The following PSPC1 variants were observed in gnomAD, a reference collection of about 807,000 sequenced individuals.
PSPC1 encodes the protein paraspeckle component 1, also known as paraspeckle protein 1.
A neutral mutation model predicts 51.6 loss-of-function variants in PSPC1; 14 were observed. The ratio of observed to expected loss-of-function variants is 0.27; its 90% confidence interval spans 0.18 to 0.42. The LOEUF (loss-of-function observed/expected upper bound fraction) is 0.42. Ranked by LOEUF, PSPC1 falls within the 10% of genes least tolerant of loss-of-function variation. The pLI is 1.00. For missense variants in PSPC1, 406 were observed against 701.1 expected (o/e 0.58, Z 4.75); for synonymous variants, 193 against 231.9 (o/e 0.83, Z 1.53).
chr13:19,780,008 G>C (rs1462999519), intron 1 of PSPC1, among the ~76,000 whole-genome samples: 3 of 89,792 alleles, frequency 3.3e-5, no homozygotes, highest in African/African-American at 1.2e-4. Flanking sequence ...GGAGGGAGGT[G>C]GGGGGGGTCA....
intron 4 of PSPC1, among the ~76,000 whole-genome samples, chr13:19,744,272 AC>A (rs1320265472): frequency 3.9e-5 from 6 of 152,166 alleles, no homozygotes; most frequent in Non-Finnish European, 8.8e-5. Context: ...AACAGCCAGG[AC>A]TGACAGGCTT....
intron 7 of PSPC1, among the ~76,000 whole-genome samples, chr13:19,676,712 A>G (rs779437168): frequency 4.6e-5 from 7 of 152,218 alleles, no homozygotes; most frequent in Non-Finnish European, 1.0e-4. Context: ...AGCAGCAAGA[A>G]TAAGACACAA....
intron 3 of PSPC1, among the ~76,000 whole-genome samples, chr13:19,757,234 T>C (rs989321204): frequency 5.3e-5 from 8 of 150,850 alleles, no homozygotes; most frequent in African/African-American, 2.0e-4. Flanking sequence ...CTGAGAAGGG[T>C]CCCTCCACAC....
At position 19,705,982 on chromosome 13, in the gene PSPC1, AG is replaced by A. The variant is rs751233919; in HGVS notation, c.1217-152del. 1.2e-3 allele frequency: 656 copies of A among 546,762 alleles called. 3 individuals carry two copies. Among genetic ancestry groups the A allele is most frequent in the Non-Finnish European group, 1.7e-3 (556 of 335,770 alleles). 33.9% of individuals were successfully genotyped at this position (546,762 alleles called of 1,614,324 possible). On this transcript the variant is annotated intron_variant, in intron 7 of 8. Transcript: ENST00000338910. ...CGATATGCGTTATCTACTCTGTAAT[AG>A]GGTATTACCTACACTCTAGAATTAG...
Position 19,703,052 on chromosome 13 carries a change from A to C in PSPC1, c.*123T>G, listed in dbSNP as rs1242667793. The C allele has an allele frequency of 3.0e-6, 2 of 657,004 alleles. No homozygotes were observed. The highest frequency in any genetic ancestry group is 5.0e-6 in the Non-Finnish European group (2 of 398,124). The allele number at this position is 657,004 out of a possible 1,614,324, so 40.7% of individuals were successfully genotyped here. A position where few individuals can be genotyped will look rare whatever the true frequency, so the allele number is the denominator to read the frequency against. On this transcript the variant is annotated 3_prime_UTR_variant, in exon 9 of 9. Coordinates refer to ENST00000338910, the MANE Select transcript of PSPC1 (RefSeq NM_001354909.2). ...ATACAAAAACCTCAAGTTTTACAAA[A>C]AAAAAAAAACTTTTAAGTCTACATA...
At chr13:19,700,955 A>C (rs1879832133), downstream of PSPC1, among the ~76,000 whole-genome samples, 1 of 152,268 alleles carries the variant, frequency 6.6e-6, no homozygotes, top group Non-Finnish European at 1.5e-5. Context: ...CTATACAAAA[A>C]CACTAAAAAC....
intron 5 of PSPC1, among the ~76,000 whole-genome samples, chr13:19,741,218 A>G (rs1420452060): frequency 6.6e-6 from 1 of 152,184 alleles, no homozygotes; most frequent in Non-Finnish European, 1.5e-5. Context: ...AAGTTACATA[A>G]AGATATTCAT....
At chr13:19,742,675 G>T (rs1402377183) in intron 4 of PSPC1, among the ~76,000 whole-genome samples, 1 of 152,142 alleles carries the variant, frequency 6.6e-6, no homozygotes, top group East Asian at 1.9e-4. Context: ...GGAGGCGGAG[G>T]TTGCAGTGAG....
intron 4 of PSPC1, among the ~76,000 whole-genome samples, chr13:19,749,708 G>A (rs947527930): frequency 2.0e-5 from 3 of 147,740 alleles, no homozygotes; most frequent in African/African-American, 7.5e-5. Flanking sequence ...GCGTGATCTC[G>A]GCTTACCGCA....
chr13:19,687,805 T>G (rs1341880101), intron 6 of PSPC1, among the ~76,000 whole-genome samples: 1 of 152,074 alleles, frequency 6.6e-6, no homozygotes, highest in Non-Finnish European at 1.5e-5. Flanking sequence ...AATCCCTAGG[T>G]ATATAGTGAC....
intron 6 of PSPC1, among the ~76,000 whole-genome samples, chr13:19,689,749 T>C (rs1275752464): frequency 6.6e-6 from 1 of 152,140 alleles, no homozygotes; most frequent in African/African-American, 2.4e-5. Flanking sequence ...AAAACCAAAA[T>C]GCAGGAACTG....
chr13:19,753,384 T>G (rs1251766363), intron 3 of PSPC1, among the ~76,000 whole-genome samples: 1 of 151,476 alleles, frequency 6.6e-6, no homozygotes, highest in Non-Finnish European at 1.5e-5. Flanking sequence ...TACAGAGGCA[T>G]GCCACCATGA....
At chr13:19,745,825 T>C (rs1207011877) in intron 4 of PSPC1, among the ~76,000 whole-genome samples, 1 of 152,132 alleles carries the variant, frequency 6.6e-6, no homozygotes, top group Non-Finnish European at 1.5e-5. Context: ...TTCACCATGT[T>C]AGCCAGGATG....
At position 19,782,264 on chromosome 13, in the gene PSPC1, G is replaced by A. The variant is rs1035582327; in HGVS notation, c.372+122C>T. On this transcript the variant is annotated intron_variant, in intron 1 of 8. Transcript: ENST00000338910. The surrounding 1 kb of genome is among the most constrained non-coding windows in gnomAD (Gnocchi z 4.5). ...CCCGCACAGAGGAATCGATGAGGCCGAGCGGCGCCACGGTTGCCACAGGTT... is the reference window on the plus strand; with the variant it reads ...CCCGCACAGAGGAATCGATGAGGCCAAGCGGCGCCACGGTTGCCACAGGTT... 17 of 1,388,850 alleles carry A rather than the reference G, an allele frequency of 1.2e-5. No homozygotes were observed. The highest frequency in any genetic ancestry group is 5.5e-4 in the Middle Eastern group (2 of 3,656). The allele number at this position is 1,388,850 out of a possible 1,614,324, so 86.0% of individuals were successfully genotyped here.
At chr13:19,683,440 T>G (rs1468186279) in intron 6 of PSPC1, among the ~76,000 whole-genome samples, 1 of 152,192 alleles carries the variant, frequency 6.6e-6, no homozygotes, top group Admixed American at 6.5e-5. Context: ...ACCATTCCAT[T>G]TCTATGAAAT....
At chr13:19,774,811 A>T (rs555759363) in intron 1 of PSPC1, among the ~76,000 whole-genome samples, 63 of 149,232 alleles carry the variant, frequency 4.2e-4, no homozygotes, top group East Asian at 7.8e-4. Context: ...TGTCCAAAAA[A>T]AAAAAAACAA....
chr13:19,772,423 G>T lies in PSPC1; in HGVS notation c.493C>A (p.Pro165Thr). 3 of 1,614,222 alleles carry T rather than the reference G, an allele frequency of 1.9e-6. No individual in the cohort carries two copies. Among genetic ancestry groups the T allele is most frequent in the Non-Finnish European group, 2.5e-6 (3 of 1,180,048 alleles). Residue 165 changes from proline (P) to threonine (T), a missense_variant, in exon 2 of 9, where the codon CCA becomes ACA. Transcript: ENST00000338910. ...GAALTVKNLS[P>T]VVSNELLEQA... ...TCTAGCAGCTCATTGGAAACAACTG[G>T]AGAAAGGTTCTTGACAGTCAAGGCT...
At chr13:19,698,062 G>A (rs1256113847), downstream of PSPC1, among the ~76,000 whole-genome samples, 1 of 152,030 alleles carries the variant, frequency 6.6e-6, no homozygotes, top group East Asian at 1.9e-4. Flanking sequence ...CTGGTTGATT[G>A]ACAAACATAT....
downstream of PSPC1, chr13:19,673,377 CA>C (rs754902582): frequency 9.3e-5 from 24 of 258,758 alleles, no homozygotes; most frequent in Non-Finnish European, 1.2e-4. Context: ...TTCAGAGAAC[CA>C]TTTTTACTTT....
Sources: gnomAD v4.1 joint callset for allele counts (sites outside exome capture counted in the v4.1 genomes callset) on GRCh38, gnomAD v4.1.1 for gene constraint, Gnocchi (gnomAD v3.1) non-coding constraint, MANE v1.5 for transcripts, NCBI Gene and HGNC (gene_info 2026-07-23, HGNC 2026-07-21) for gene names.